The following ANKMY2 variants were observed in gnomAD, a reference collection of about 807,000 sequenced individuals.
ANKMY2 encodes ankyrin repeat and MYND domain-containing protein 2.
Under a neutral mutation model 50.4 loss-of-function variants are expected in ANKMY2, and 36 were observed. The observed-to-expected ratio is 0.71, with a 90% CI of 0.55 to 0.94. ANKMY2 has a LOEUF of 0.94. Ranked by LOEUF, ANKMY2 falls within the 40% of genes least tolerant of loss-of-function variation. The probability of loss-of-function intolerance (pLI) is 0.00; values close to 1 mark genes in which losing one functional copy is unlikely to be tolerated. For synonymous variants in ANKMY2, 187 were observed against 178.8 expected (o/e 1.05, Z -0.36); for missense variants, 565 against 524.0 (o/e 1.08, Z -0.76).
intron 3 of ANKMY2, among the ~76,000 whole-genome samples, chr7:16,626,130 G>A (rs1362556233): frequency 2.0e-5 from 3 of 151,716 alleles, no homozygotes; most frequent in African/African-American, 4.8e-5. Flanking sequence ...ACAGACGTGC[G>A]CCACTGTCCC....
At position 16,610,707 on chromosome 7, in the gene ANKMY2, T is replaced by C; in HGVS notation, c.588A>G (p.Lys196=). The change falls in exon 6 of 10, where the codon AAA becomes AAG. Residue 196 remains lysine (K), a synonymous_variant. Coordinates refer to ENST00000306999, the MANE Select transcript of ANKMY2 (RefSeq NM_020319.3). ...AAATCAAATCCATCACTCTGTAGCA[T>C]TTATTCAGGGCTGCTTCTTCTGTCA... ...PLLTEEAALN[K]CYRVMDLICE... The C allele has an allele frequency of 6.2e-7, 1 of 1,613,998 alleles. No homozygotes were observed. Among genetic ancestry groups the C allele is most frequent in the Non-Finnish European group, 8.5e-7 (1 of 1,179,972 alleles).
intron 2 of ANKMY2, among the ~76,000 whole-genome samples, chr7:16,629,091 T>C (rs1466015458): frequency 6.6e-6 from 1 of 152,202 alleles, no homozygotes; most frequent in African/African-American, 2.4e-5. Context: ...CTTCTGCCCA[T>C]TTACGTGTCT....
At chr7:16,615,986 T>A in intron 4 of ANKMY2, 82 bp from the exon 5 acceptor site, 4 of 1,351,372 alleles carry the variant, frequency 3.0e-6, no homozygotes, top group Non-Finnish European at 4.0e-6. Flanking sequence ...ATGTTGCTAT[T>A]TTTGTGATGT....
intron 8 of ANKMY2, chr7:16,603,615 T>C (rs1393216963): frequency 4.2e-6 from 2 of 471,088 alleles, no homozygotes; most frequent in Non-Finnish European, 8.8e-6. Context: ...TCTTCATTCA[T>C]CCTTGCATTC....
chr7:16,611,688 C>A (rs892464635), intron 5 of ANKMY2, among the ~76,000 whole-genome samples: 1 of 152,154 alleles, frequency 6.6e-6, no homozygotes, highest in East Asian at 1.9e-4. Context: ...ATCCTTGAAC[C>A]GGATTGAGAA....
At chr7:16,614,690 A>G (rs1169609952) in intron 5 of ANKMY2, among the ~76,000 whole-genome samples, 4 of 152,226 alleles carry the variant, frequency 2.6e-5, no homozygotes, top group African/African-American at 9.6e-5. Flanking sequence ...GATGCTCAGC[A>G]GACTCCACAG....
At chr7:16,608,675 G>A (rs1385172707) in intron 7 of ANKMY2, among the ~76,000 whole-genome samples, 2 of 152,142 alleles carry the variant, frequency 1.3e-5, no homozygotes, top group African/African-American at 4.8e-5. Flanking sequence ...AAGCATGAAT[G>A]GGTATAGATA....
At chr7:16,636,505 G>A in intron 1 of ANKMY2, 50 bp from the exon 2 acceptor site, 1 of 1,405,960 alleles carries the variant, frequency 7.1e-7, no homozygotes, top group African/African-American at 1.5e-5. Flanking sequence ...ACTAGAATAA[G>A]AGAAAAATCT....
chr7:16,633,236 A>C (rs1280324824), intron 2 of ANKMY2, among the ~76,000 whole-genome samples: 1 of 151,202 alleles, frequency 6.6e-6, no homozygotes, highest in Admixed American at 6.6e-5. Context: ...TTGAAACACA[A>C]AAGTTTTTAA....
At chr7:16,606,426 A>AT (rs1217307894) in intron 7 of ANKMY2, among the ~76,000 whole-genome samples, 51 of 65,036 alleles carry the variant, frequency 7.8e-4, no homozygotes, top group Non-Finnish European at 3.9e-4. Flanking sequence ...AAGACCTTGT[A>AT]TTTAAAAAAA....
At chr7:16,643,005 C>G (rs1292575129) in intron 1 of ANKMY2, among the ~76,000 whole-genome samples, 1 of 152,198 alleles carries the variant, frequency 6.6e-6, no homozygotes, top group African/African-American at 2.4e-5. Context: ...CCTAACTTCC[C>G]AGTTCCTCAG....
At chr7:16,609,283 G>C (rs1021951130) in intron 7 of ANKMY2, among the ~76,000 whole-genome samples, 9 of 152,100 alleles carry the variant, frequency 5.9e-5, no homozygotes, top group Non-Finnish European at 1.5e-5. Context: ...CTTGCATCTA[G>C]TGTATGACTT....
intron 5 of ANKMY2, among the ~76,000 whole-genome samples, chr7:16,613,885 C>A (rs1409006731): frequency 2.0e-5 from 3 of 146,514 alleles, no homozygotes. Flanking sequence ...TGTACCACTG[C>A]ACTCCAGGCT....
At chr7:16,631,427 G>T (rs980475250) in intron 2 of ANKMY2, among the ~76,000 whole-genome samples, 5 of 152,142 alleles carry the variant, frequency 3.3e-5, no homozygotes, top group African/African-American at 1.2e-4. Flanking sequence ...AAATAAATGA[G>T]TTGAGTATCT....
At chr7:16,638,609 G>C (rs1049440279) in intron 1 of ANKMY2, among the ~76,000 whole-genome samples, 1 of 152,142 alleles carries the variant, frequency 6.6e-6, no homozygotes, top group Non-Finnish European at 1.5e-5. Context: ...ACATAGGTGT[G>C]ACCTATTATT....
rs1781233045 is a variant in ANKMY2, at chr7:16,610,626, A to G, written c.669T>C (p.His223=). 2 of 1,613,976 alleles carry G rather than the reference A, an allele frequency of 1.2e-6. No homozygotes were observed. Among genetic ancestry groups the G allele is most frequent in the Non-Finnish European group, 1.7e-6 (2 of 1,179,906 alleles). Residue 223 remains histidine, a synonymous_variant, in exon 6 of 10, where the codon CAT becomes CAC. Transcript: ENST00000306999. The part of the protein sequence containing the change: ...DMNEVLAMKM[H]YISCIFQKCI... ...ATTTCTGAAAGATACAGCTTATGTA[A>G]TGCATCTTCATAGCCAATACTTCAT...
intron 1 of ANKMY2, chr7:16,644,887 G>A: frequency 2.9e-6 from 1 of 349,392 alleles, no homozygotes; most frequent in South Asian, 2.1e-5. Context: ...GCCGAGGGGT[G>A]GGTGTGGAGG....
Position 16,615,904 on chromosome 7 carries a change from C to A in ANKMY2, c.371G>T (p.Gly124Val). The A allele has an allele frequency of 6.3e-7, 1 of 1,586,374 alleles. No individual in the cohort carries two copies. Among genetic ancestry groups the A allele is most frequent in the Non-Finnish European group, 8.6e-7 (1 of 1,168,452 alleles). ...RTAAQMAAFVGQHDCVTIINN... is the reference protein window; with the variant it reads ...RTAAQMAAFVVQHDCVTIINN... ...GATTATGGTCACACAATCATGTTGA[C>A]CTTTTCATAGAAAAATAGAAAAGTT... The change falls in exon 5 of 10, where the codon GGT (glycine) becomes GTT (valine). Residue 124 changes from glycine (G) to valine (V), a missense_variant and splice_region_variant. By Grantham distance (109) the Gly-to-Val change is moderately radical. Coordinates refer to ENST00000306999, the MANE Select transcript of ANKMY2 (RefSeq NM_020319.3).
At chr7:16,613,191 C>T (rs971456998) in intron 5 of ANKMY2, among the ~76,000 whole-genome samples, 2 of 152,168 alleles carry the variant, frequency 1.3e-5, no homozygotes, top group African/African-American at 4.8e-5. Context: ...CTTTTGAAAA[C>T]AAATGCATCC....
Sources: gnomAD v4.1 joint callset for allele counts (sites outside exome capture counted in the v4.1 genomes callset) on GRCh38, gnomAD v4.1.1 for gene constraint, MANE v1.5 for transcripts, NCBI Gene and HGNC (gene_info 2026-07-23, HGNC 2026-07-21) for gene names.